TRAPPC9: variants seen among roughly 807,000 people sequenced by gnomAD.
TRAPPC9 encodes the protein IKK2 binding protein.
A neutral mutation model predicts 124.0 loss-of-function variants in TRAPPC9; 83 were observed. The ratio of observed to expected loss-of-function variants is 0.67; its 90% confidence interval spans 0.56 to 0.80. TRAPPC9 has a LOEUF of 0.80. TRAPPC9 is among the 30% of genes least tolerant of loss of function. The pLI is 0.00. For missense variants in TRAPPC9, 1,302 were observed against 1,508.3 expected (o/e 0.86, Z 2.27); for synonymous variants, 638 against 617.5 (o/e 1.03, Z -0.49).
At chr8:139,755,540 G>T (rs1166043271) in intron 21 of TRAPPC9, among the ~76,000 whole-genome samples, 1,038 of 115,592 alleles carry the variant, frequency 9.0e-3, no homozygotes, top group African/African-American at 0.025. Flanking sequence ...AGGGTTTGGG[G>T]ATGAGGACAG....
Position 139,776,335 on chromosome 8 carries a change from C to A in TRAPPC9, c.3056-44133G>T, listed in dbSNP as rs2169280. ...ACAGGGGACGTCAGCTGCTATGTGA[C>A]GTCATCTCACTCGTCACAACATAGT... On this transcript the variant is annotated intron_variant, in intron 21 of 22. Coordinates refer to ENST00000438773, the MANE Select transcript of TRAPPC9 (RefSeq NM_001160372.4). This position sits in a 1 kb window ranked among gnomAD's most constrained non-coding sequence, Gnocchi z 4.1. Among the ~76,000 whole-genome samples, 1 of 152,204 alleles carries A rather than the reference C, an allele frequency of 6.6e-6. No individual in the cohort carries two copies. The highest frequency in any genetic ancestry group is 1.5e-5 in the Non-Finnish European group (1 of 68,040).
chr8:140,150,607 G>A (rs567737537), intron 17 of TRAPPC9, among the ~76,000 whole-genome samples: 15 of 152,206 alleles, frequency 9.9e-5, no homozygotes, highest in South Asian at 2.1e-4. Flanking sequence ...TAGCAGGCAG[G>A]AGCTGGAACC....
chr8:139,736,834 C>T (rs1320906658), intron 21 of TRAPPC9, among the ~76,000 whole-genome samples: 4 of 152,194 alleles, frequency 2.6e-5, no homozygotes, highest in African/African-American at 4.8e-5. Context: ...CCCGAACAAG[C>T]GGTGTCCAGT....
chr8:140,284,144 GGCCCGCCGGC>G (rs1254188240), intron 13 of TRAPPC9, 123 bp from the exon 14 acceptor site: 1 of 1,328,524 alleles, frequency 7.5e-7, no homozygotes, highest in Non-Finnish European at 1.1e-6. Context: ...AGCTGCCCGG[GGCCCGCCGGC>G]GCTCACCCAC....
chr8:140,314,204 T>C (rs1563938502), intron 9 of TRAPPC9, among the ~76,000 whole-genome samples: 2 of 152,230 alleles, frequency 1.3e-5, no homozygotes, highest in Non-Finnish European at 2.9e-5. Flanking sequence ...GGAAAACTAT[T>C]GCCCTGTGAA....
intron 21 of TRAPPC9, among the ~76,000 whole-genome samples, chr8:139,868,688 C>T (rs969224884): frequency 6.6e-6 from 1 of 152,194 alleles, no homozygotes; most frequent in Non-Finnish European, 1.5e-5. Flanking sequence ...AATAACACTA[C>T]CTACTCTGGA....
rs2063845963 is a variant in TRAPPC9, at chr8:140,241,094, A to G, written c.2431+11683T>C. Among the ~76,000 whole-genome samples the G allele has an allele frequency of 1.3e-5, 2 of 152,148 alleles. No homozygotes were observed. The highest frequency in any genetic ancestry group is 4.1e-4 in the South Asian group (2 of 4,830). On this transcript the variant is annotated intron_variant, in intron 16 of 22. Coordinates refer to ENST00000438773, the MANE Select transcript of TRAPPC9 (RefSeq NM_001160372.4). The surrounding 1 kb of genome is among the most constrained non-coding windows in gnomAD (Gnocchi z 5.0). ...GGTGGCATCCAGCTCATCTTTAGTC[A>G]GGACCTGTTCAAAGACCATTCAGGC...
chr8:140,177,990 A>G (rs1013814311), intron 17 of TRAPPC9, among the ~76,000 whole-genome samples: 1 of 152,156 alleles, frequency 6.6e-6, no homozygotes, highest in Non-Finnish European at 1.5e-5. Context: ...TGACTTTTGT[A>G]TATTAATCAT....
intron 19 of TRAPPC9, among the ~76,000 whole-genome samples, chr8:139,955,672 A>G (rs1253309468): frequency 6.6e-6 from 1 of 152,216 alleles, no homozygotes; most frequent in Non-Finnish European, 1.5e-5. Flanking sequence ...AACAACAGCA[A>G]AAGTGGGAAT....
intron 17 of TRAPPC9, among the ~76,000 whole-genome samples, chr8:140,208,379 G>A (rs1008272696): frequency 2.6e-5 from 4 of 152,158 alleles, no homozygotes; most frequent in Non-Finnish European, 5.9e-5. Flanking sequence ...CTCTTAAGGT[G>A]GTGGTCCTCA....
intron 4 of TRAPPC9, among the ~76,000 whole-genome samples, chr8:140,427,422 T>C (rs1588336042): frequency 6.6e-6 from 1 of 151,632 alleles, no homozygotes; most frequent in Admixed American, 6.6e-5. Context: ...CACAGAATAA[T>C]TGGACACTTC....
chr8:140,252,655 G>A lies in TRAPPC9; in HGVS notation c.2431+122C>T. The A allele has an allele frequency of 8.6e-7, 1 of 1,163,932 alleles. No individual in the cohort carries two copies. Among genetic ancestry groups the A allele is most frequent in the South Asian group, 1.3e-5 (1 of 79,946 alleles). 72.1% of individuals were successfully genotyped at this position (1,163,932 alleles called of 1,614,324 possible). ...ACAAAGTGCCCAGGAGATGTCTCAG[G>A]CAGCTTGAGTTAATGAATGACAAGT... is the stretch of plus-strand genomic sequence containing the variant. On this transcript the variant is annotated intron_variant, in intron 16 of 22. Coordinates refer to ENST00000438773, the MANE Select transcript of TRAPPC9 (RefSeq NM_001160372.4). This position sits in a 1 kb window ranked among gnomAD's most constrained non-coding sequence, Gnocchi z 4.2.
At chr8:139,741,757 T>C (rs1297895798) in intron 21 of TRAPPC9, among the ~76,000 whole-genome samples, 1 of 152,076 alleles carries the variant, frequency 6.6e-6, no homozygotes, top group Non-Finnish European at 1.5e-5. Flanking sequence ...GACTCACATA[T>C]AAACAGAAGC....
At position 140,174,746 on chromosome 8, in the gene TRAPPC9, G is replaced by A. The variant is rs145051764; in HGVS notation, c.2556+46713C>T. Among the ~76,000 whole-genome samples the A allele has an allele frequency of 2.0e-5, 3 of 152,314 alleles. No homozygotes were observed. The East Asian group carries it at 5.8e-4, about 29-fold the overall frequency. On this transcript the variant is annotated intron_variant, in intron 17 of 22. Transcript: ENST00000438773. ...ATCATGTCAAAGCATGGATCAGTAC[G>A]TCACTCCTTTTCTGGGCTGAAATAA...
chr8:139,797,947 G>A (rs112205416), intron 21 of TRAPPC9, among the ~76,000 whole-genome samples: 1 of 152,122 alleles, frequency 6.6e-6, no homozygotes, highest in East Asian at 1.9e-4. Context: ...GTCCAACTTC[G>A]TTCTTCTTTT....
At chr8:140,094,581 T>C (rs114432211) in intron 17 of TRAPPC9, among the ~76,000 whole-genome samples, 2,860 of 152,170 alleles carry the variant, frequency 0.019, 87 homozygotes, top group African/African-American at 0.065. Flanking sequence ...TACCTACCAG[T>C]GACCTGACAG....
chr8:139,966,098 C>T lies in TRAPPC9; in HGVS notation c.2810+22628G>A, dbSNP rs553201176. Among the ~76,000 whole-genome samples, 5 of 151,984 alleles carry T rather than the reference C, an allele frequency of 3.3e-5. No homozygotes were observed. The East Asian group carries it at 9.6e-4, about 29-fold the overall frequency. ...GTGAAGAGTTCTGCTCAGCCAGTGC[C>T]TCTGGGCCCCTCCAAGCGAGTCACA... On this transcript the variant is annotated intron_variant, in intron 19 of 22. Coordinates refer to ENST00000438773, the MANE Select transcript of TRAPPC9 (RefSeq NM_001160372.4).
At position 140,252,804 on chromosome 8, in the gene TRAPPC9, C is replaced by G. The variant is rs2064159697; in HGVS notation, c.2404G>C (p.Glu802Gln). The change falls in exon 16 of 23, where the codon GAG becomes CAG. Residue 802 changes from glutamate (E) to glutamine (Q), a missense_variant. By Grantham distance (29) the Glu-to-Gln change is conservative. This residue lies in a region of TRAPPC9 where 640 missense variants were observed against 679.3 expected (regional missense o/e 0.94). Coordinates refer to ENST00000438773, the MANE Select transcript of TRAPPC9 (RefSeq NM_001160372.4). This position sits in a 1 kb window ranked among gnomAD's most constrained non-coding sequence, Gnocchi z 4.2. ...TCACTGAGATCCTGCAGGAGATTCT[C>G]CTGGCAGGAGAAATCCAGCTTCACT... The part of the protein sequence containing the change: ...IKVKLDFSCQ[E>Q]NLLQDLSDDG... 2 of 1,614,024 alleles carry G rather than the reference C, an allele frequency of 1.2e-6. No individual in the cohort carries two copies. Among genetic ancestry groups the G allele is most frequent in the African/African-American group, 2.7e-5 (2 of 75,012 alleles).
At chr8:139,760,430 C>T (rs1017458653) in intron 21 of TRAPPC9, among the ~76,000 whole-genome samples, 2 of 152,182 alleles carry the variant, frequency 1.3e-5, no homozygotes, top group African/African-American at 4.8e-5. Context: ...ACCGCACGCT[C>T]AGAACATCAT....
Sources: allele counts gnomAD v4.1 joint callset (sites outside exome capture counted in the v4.1 genomes callset), GRCh38; gene constraint gnomAD v4.1.1; regional missense constraint gnomAD v4.1.1; non-coding constraint Gnocchi (gnomAD v3.1); transcripts MANE v1.5; gene names NCBI Gene and HGNC (gene_info 2026-07-23, HGNC 2026-07-21).